The following GRM7 variants were observed in gnomAD, a reference collection of about 807,000 sequenced individuals.
GRM7 encodes the protein glutamate metabotropic receptor 7, also known as metabotropic glutamate receptor 7.
A neutral mutation model predicts 84.5 loss-of-function variants in GRM7; 35 were observed. The observed-to-expected ratio is 0.41, with a 90% CI of 0.32 to 0.55. The LOEUF is 0.55. Among genes scored for constraint, GRM7 ranks in the 20% least tolerant of loss-of-function variants. The probability of loss-of-function intolerance (pLI) is 0.19; values close to 1 mark genes in which losing one functional copy is unlikely to be tolerated. For synonymous variants in GRM7, 487 were observed against 455.1 expected (o/e 1.07, Z -0.89); for missense variants, 1,003 against 1,194.6 (o/e 0.84, Z 2.36).
At chr3:7,192,072 T>C (rs909447775) in intron 2 of GRM7, among the ~76,000 whole-genome samples, 8 of 151,960 alleles carry the variant, frequency 5.3e-5, no homozygotes, top group Admixed American at 5.3e-4. Context: ...TGGCTGAAGT[T>C]TAAGAATGTA....
At chr3:7,609,947 G>A (rs1696769863) in intron 8 of GRM7, among the ~76,000 whole-genome samples, 1 of 152,152 alleles carries the variant, frequency 6.6e-6, no homozygotes. Flanking sequence ...GGGTACTTCT[G>A]ACAAATAGAT....
At chr3:7,547,593 G>C (rs1035345900) in intron 7 of GRM7, among the ~76,000 whole-genome samples, 1 of 152,092 alleles carries the variant, frequency 6.6e-6, no homozygotes, top group African/African-American at 2.4e-5. Flanking sequence ...CTATTGCCCA[G>C]GTCCAACACC....
Position 7,578,484 on chromosome 3 carries a change from A to G in GRM7, c.1578A>G (p.Pro526=), listed in dbSNP as rs765277086. 1.4e-5 allele frequency: 22 copies of G among 1,613,804 alleles called. No homozygotes were observed. The highest frequency in any genetic ancestry group is 3.3e-5 in the Admixed American group (2 of 59,992). The change falls in exon 8 of 10, where the codon CCA becomes CCG. Residue 526 remains proline (P), a synonymous_variant. Transcript: ENST00000357716. ...REIPASVCTL[P]CKPGQRKKTQ... ...TACCCGCCTCAGTGTGCACACTACC[A>G]TGTAAGCCAGGACAGAGAAAGAAGA... is the stretch of plus-strand genomic sequence containing the variant.
At chr3:7,054,491 T>G (rs1697143791) in intron 1 of GRM7, among the ~76,000 whole-genome samples, 1 of 151,684 alleles carries the variant, frequency 6.6e-6, no homozygotes, top group African/African-American at 2.4e-5. Flanking sequence ...AAGTACAACG[T>G]TAAACTGAAA....
At chr3:7,287,806 TA>T (rs1343792095) in intron 2 of GRM7, among the ~76,000 whole-genome samples, 1 of 152,074 alleles carries the variant, frequency 6.6e-6, no homozygotes, top group Non-Finnish European at 1.5e-5. Flanking sequence ...AGAGAGGTAA[TA>T]GTTTGCTGCG....
chr3:7,311,249 C>A lies in GRM7; in HGVS notation c.1033+4597C>A, dbSNP rs568532582. Among the ~76,000 whole-genome samples, 480 of 152,250 alleles carry A rather than the reference C, an allele frequency of 3.2e-3. 4 individuals are homozygous for A. The highest frequency in any genetic ancestry group is 0.019 in the South Asian group (90 of 4,822). On this transcript the variant is annotated intron_variant, in intron 4 of 9. Transcript: ENST00000357716. Reference sequence around the variant, plus strand: ...AATTGAGAAGAGCTTTGAGAGACAACTTCTTCTACAGGAAGAATGATAAAA... The same window carrying A: ...AATTGAGAAGAGCTTTGAGAGACAAATTCTTCTACAGGAAGAATGATAAAA...
chr3:7,481,512 A>G (rs1699126797), intron 7 of GRM7, among the ~76,000 whole-genome samples: 1 of 152,210 alleles, frequency 6.6e-6, no homozygotes. Context: ...AGATTTGTTA[A>G]ATAATGACTA....
intron 2 of GRM7, among the ~76,000 whole-genome samples, chr3:7,275,320 C>T (rs889750313): frequency 4.6e-5 from 7 of 152,200 alleles, no homozygotes; most frequent in Admixed American, 1.3e-4. Flanking sequence ...ACTGTGTTTT[C>T]TGCTTTTCAG....
intron 2 of GRM7, among the ~76,000 whole-genome samples, chr3:7,252,054 C>CA (rs932867973): frequency 6.6e-6 from 1 of 152,018 alleles, no homozygotes; most frequent in Non-Finnish European, 1.5e-5. Context: ...CCCCACTAAA[C>CA]AAAAAATCCT....
intron 1 of GRM7, among the ~76,000 whole-genome samples, chr3:7,134,468 A>G (rs1025912810): frequency 6.6e-6 from 1 of 152,052 alleles, no homozygotes; most frequent in Non-Finnish European, 1.5e-5. Flanking sequence ...CAGTAACCAT[A>G]GACTTATATG....
intron 1 of GRM7, among the ~76,000 whole-genome samples, chr3:7,130,972 C>T (rs560721383): frequency 2.6e-4 from 40 of 152,208 alleles, no homozygotes; most frequent in Non-Finnish European, 5.1e-4. Context: ...CACACACGTG[C>T]GCAAGGAATT....
chr3:7,028,075 G>A (rs1415676451), intron 1 of GRM7, among the ~76,000 whole-genome samples: 3 of 151,996 alleles, frequency 2.0e-5, no homozygotes, highest in Non-Finnish European at 2.9e-5. Context: ...TGTTTTTCCT[G>A]TTTCCTTTCA....
chr3:6,861,211 C>T lies in GRM7; in HGVS notation c.-178C>T. On this transcript the variant is annotated 5_prime_UTR_variant, in exon 1 of 10. Coordinates refer to ENST00000357716, the MANE Select transcript of GRM7 (RefSeq NM_000844.4). This position sits in a 1 kb window ranked among gnomAD's most constrained non-coding sequence, Gnocchi z 6.4. ...GAGAGCGCGAGGCGCCCCAGGCTGG[C>T]AGGCGCCGCGGGACCCCTCACCCTC... 2.0e-6 allele frequency: 1 copy of T among 498,292 alleles called. No individual in the cohort carries two copies. Among genetic ancestry groups the T allele is most frequent in the Non-Finnish European group, 3.3e-6 (1 of 301,328 alleles). The allele number at this position is 498,292 out of a possible 1,614,324, so 30.9% of individuals were successfully genotyped here. A position where few individuals can be genotyped will look rare whatever the true frequency, so the allele number is the denominator to read the frequency against.
At position 6,863,125 on chromosome 3, in the gene GRM7, G is replaced by T. The variant is rs1330755718; in HGVS notation, c.519+1218G>T. 9 of 305,928 alleles carry T rather than the reference G, an allele frequency of 2.9e-5. No individual in the cohort carries two copies. The highest frequency in any genetic ancestry group is 4.5e-5 in the Non-Finnish European group (7 of 154,170). The allele number at this position is 305,928 out of a possible 1,614,324, so 19.0% of individuals were successfully genotyped here. A position where few individuals can be genotyped will look rare whatever the true frequency, so the allele number is the denominator to read the frequency against. On this transcript the variant is annotated intron_variant, in intron 1 of 9. Coordinates refer to ENST00000357716, the MANE Select transcript of GRM7 (RefSeq NM_000844.4). This position sits in a 1 kb window ranked among gnomAD's most constrained non-coding sequence, Gnocchi z 4.8. ...CTCTTTCTGTCTCTGTCTCCTTGCT[G>T]TTTTTTTTTTCTCTCTGTTTTTTCT...
chr3:7,413,421 T>C (rs1696027433), intron 4 of GRM7, among the ~76,000 whole-genome samples: 1 of 152,200 alleles, frequency 6.6e-6, no homozygotes. Context: ...GCCCTAGCTA[T>C]AAGAATAAAC....
intron 1 of GRM7, among the ~76,000 whole-genome samples, chr3:6,915,387 TAAA>T (rs1174229068): frequency 2.0e-5 from 3 of 152,204 alleles, no homozygotes; most frequent in South Asian, 4.1e-4. Context: ...GATGGGCTTT[TAAA>T]ATCTCATGTA....
At chr3:6,980,648 C>A (rs773814127) in intron 1 of GRM7, among the ~76,000 whole-genome samples, 9 of 152,150 alleles carry the variant, frequency 5.9e-5, no homozygotes, top group Non-Finnish European at 1.3e-4. Context: ...AAGTGGTAAG[C>A]AAATACACAC....
chr3:7,536,967 C>T (rs768136774), intron 7 of GRM7, among the ~76,000 whole-genome samples: 24 of 152,276 alleles, frequency 1.6e-4, no homozygotes, highest in Admixed American at 5.9e-4. Context: ...ATGGTGTTAA[C>T]TTTCCAACAT....
In GRM7 at chr3:7,696,978, A is replaced by T. The variant is rs142442827; in HGVS notation, c.2698+16683A>T. Among the ~76,000 whole-genome samples the T allele has an allele frequency of 1.2e-3, 176 of 152,310 alleles. 1 individual carries two copies. Among genetic ancestry groups the T allele is most frequent in the Middle Eastern group, 3.4e-3 (1 of 294 alleles). ...CAGGCCAGTTCTATCAATCGGGTTG[A>T]GTACACTACAGCTAAAGATAAACCT... On this transcript the variant is annotated intron_variant, in intron 9 of 9. Coordinates refer to ENST00000357716, the MANE Select transcript of GRM7 (RefSeq NM_000844.4).
Sources: allele counts gnomAD v4.1 joint callset (sites outside exome capture counted in the v4.1 genomes callset), GRCh38; gene constraint gnomAD v4.1.1; non-coding constraint Gnocchi (gnomAD v3.1); transcripts MANE v1.5; gene names NCBI Gene and HGNC (gene_info 2026-07-23, HGNC 2026-07-21).